The following MAP4 variants were observed in gnomAD, a reference collection of about 807,000 sequenced individuals.
MAP4 encodes the protein microtubule associated protein 4.
In MAP4, 76 loss-of-function variants were observed where a neutral mutation model predicts 170.2. That is an observed-to-expected ratio of 0.45 (90% CI 0.37 to 0.54). MAP4 has a LOEUF of 0.54. Ranked by LOEUF, MAP4 falls within the 20% of genes least tolerant of loss-of-function variation. MAP4 has a pLI of 0.00. For synonymous variants in MAP4, 909 were observed against 994.5 expected, an observed-to-expected ratio of 0.91 and a Z score of 1.62; for missense variants, 2,506 against 2,748.0, an observed-to-expected ratio of 0.91 and a Z score of 1.97.
chr3:47,941,513 C>A (rs887124621), intron 3 of MAP4, among the ~76,000 whole-genome samples: 6 of 151,532 alleles, frequency 4.0e-5, no homozygotes, highest in African/African-American at 1.5e-4. Context: ...CTCGGTGGCT[C>A]ACGCCTGTAA....
intron 3 of MAP4, among the ~76,000 whole-genome samples, chr3:47,929,200 C>T (rs1280091941): frequency 3.3e-5 from 5 of 152,072 alleles, no homozygotes; most frequent in Non-Finnish European, 5.9e-5. Context: ...AGCAAAAATA[C>T]AAAAATTAGC....
chr3:48,067,628 A>G (rs1334161542), intron 1 of MAP4, among the ~76,000 whole-genome samples: 1 of 120,250 alleles, frequency 8.3e-6, no homozygotes, highest in Admixed American at 8.9e-5. Context: ...TTAACAAGAG[A>G]AACCTTTTTT....
At chr3:47,975,443 G>T in intron 3 of MAP4, 1 of 1,569,138 alleles carries the variant, frequency 6.4e-7, no homozygotes, top group Non-Finnish European at 8.6e-7. Context: ...AGCAGCCCCA[G>T]TGTTGAGAGA....
intron 16 of MAP4, among the ~76,000 whole-genome samples, chr3:47,868,493 C>A (rs1399339107): frequency 6.6e-6 from 1 of 152,162 alleles, no homozygotes; most frequent in African/African-American, 2.4e-5. Flanking sequence ...TAGGCTGAGA[C>A]TTCCCATGCT....
In MAP4 at chr3:47,998,857, C is replaced by A; in HGVS notation, c.4G>T (p.Ala2Ser). The A allele has an allele frequency of 1.2e-6, 2 of 1,609,052 alleles. No individual in the cohort carries two copies. The highest frequency in any genetic ancestry group is 1.7e-6 in the Non-Finnish European group (2 of 1,175,384). Reference sequence around the variant, plus strand: ...AATGCATCTGCAAGACTGAGGTCAGCCATTCTGCACCACTGCAACTGCCTG... The same window carrying A: ...AATGCATCTGCAAGACTGAGGTCAGACATTCTGCACCACTGCAACTGCCTG... M[A>S]DLSLADALTE... The change falls in exon 2 of 21, where the codon GCT (alanine) becomes TCT (serine). Residue 2 changes from alanine (A) to serine (S), a missense_variant. Physicochemically the swap from Ala to Ser is moderately conservative, Grantham distance 99. Coordinates refer to ENST00000683076, the MANE Select transcript of MAP4 (RefSeq NM_001385682.1).
At chr3:47,979,981 C>T (rs1321403575) in intron 2 of MAP4, among the ~76,000 whole-genome samples, 2 of 151,940 alleles carry the variant, frequency 1.3e-5, no homozygotes, top group African/African-American at 4.8e-5. Flanking sequence ...CATGCTACCA[C>T]GCCTGCCTAA....
At position 47,933,762 on chromosome 3, in the gene MAP4, G is replaced by A. The variant is rs867574801; in HGVS notation, c.293-5412C>T. ...ACTACAGGCGCCTGCCACCACGCCC[G>A]GCTAATTTTTTGTATTTTTAGTAGA... On this transcript the variant is annotated intron_variant, in intron 3 of 20. Transcript: ENST00000683076. Among the ~76,000 whole-genome samples, 10 of 152,100 alleles carry A rather than the reference G, an allele frequency of 6.6e-5. No homozygotes were observed. The Middle Eastern group carries it at 0.014, about 207-fold the overall frequency.
intron 9 of MAP4, among the ~76,000 whole-genome samples, chr3:47,905,199 A>C (rs534692028): frequency 1.3e-5 from 2 of 152,336 alleles, no homozygotes; most frequent in African/African-American, 4.8e-5. Context: ...GCAAGACATA[A>C]ACTCTCCCTA....
At chr3:47,923,493 C>T (rs1045352098) in intron 4 of MAP4, among the ~76,000 whole-genome samples, 6 of 149,674 alleles carry the variant, frequency 4.0e-5, no homozygotes, top group Non-Finnish European at 7.4e-5. Flanking sequence ...GGAGGATCTT[C>T]TTGAGCCCAG....
At chr3:47,976,229 G>A (rs2100082074) in intron 3 of MAP4, among the ~76,000 whole-genome samples, 2 of 152,202 alleles carry the variant, frequency 1.3e-5, no homozygotes, top group Admixed American at 1.3e-4. Flanking sequence ...TTCATAAAGA[G>A]CCAGGTTCTT....
chr3:48,072,871 G>A (rs917747156), intron 1 of MAP4, among the ~76,000 whole-genome samples: 1 of 152,280 alleles, frequency 6.6e-6, no homozygotes, highest in Admixed American at 6.5e-5. Context: ...TGCCAGTAGA[G>A]AAAGAGAAAC....
intron 1 of MAP4, among the ~76,000 whole-genome samples, chr3:48,050,798 G>A (rs1164056835): frequency 2.0e-5 from 3 of 151,498 alleles, no homozygotes; most frequent in East Asian, 3.9e-4. Flanking sequence ...CCAGCTACTC[G>A]GGAGGCTGAG....
At chr3:48,084,889 G>A (rs1040093849) in intron 1 of MAP4, among the ~76,000 whole-genome samples, 3 of 151,030 alleles carry the variant, frequency 2.0e-5, no homozygotes, top group East Asian at 1.9e-4. Flanking sequence ...GCAATCCTCC[G>A]CCTCAGGCTC....
chr3:47,935,019 G>A (rs1292705027), intron 3 of MAP4, among the ~76,000 whole-genome samples: 1 of 152,228 alleles, frequency 6.6e-6, no homozygotes, highest in Non-Finnish European at 1.5e-5. Context: ...ACCTCTGCAA[G>A]CTTTAGTTTT....
chr3:47,988,257 A>G (rs2100090080), intron 2 of MAP4, among the ~76,000 whole-genome samples: 1 of 149,794 alleles, frequency 6.7e-6, no homozygotes. Context: ...TTCAGACAGG[A>G]TTTTTTTTTT....
At chr3:47,948,720 C>G (rs1031369286) in intron 3 of MAP4, among the ~76,000 whole-genome samples, 22 of 151,804 alleles carry the variant, frequency 1.4e-4, no homozygotes, top group Non-Finnish European at 3.1e-4. Context: ...CTCCCAGGTT[C>G]AATCAGTTCT....
At chr3:47,985,058 TC>T (rs2100087775) in intron 2 of MAP4, among the ~76,000 whole-genome samples, 2 of 152,126 alleles carry the variant, frequency 1.3e-5, no homozygotes, top group South Asian at 4.1e-4. Context: ...GGTGGGTGAA[TC>T]ACCTGAGGTC....
chr3:48,041,791 C>T (rs768662529), intron 1 of MAP4, among the ~76,000 whole-genome samples: 1 of 152,114 alleles, frequency 6.6e-6, no homozygotes, highest in Non-Finnish European at 1.5e-5. Context: ...ATTCAAGGGA[C>T]CCAGAATAGC....
At chr3:48,061,483 T>C (rs2100135236) in intron 1 of MAP4, among the ~76,000 whole-genome samples, 1 of 152,190 alleles carries the variant, frequency 6.6e-6, no homozygotes, top group Non-Finnish European at 1.5e-5. Context: ...TGGAGTCTCG[T>C]TCACTCAGTG....
Sources: allele counts gnomAD v4.1 joint callset (sites outside exome capture counted in the v4.1 genomes callset), GRCh38; gene constraint gnomAD v4.1.1; transcripts MANE v1.5; gene names NCBI Gene and HGNC (gene_info 2026-07-23, HGNC 2026-07-21).